Variants in COBLL1 observed in about 807,000 individuals in gnomAD.
COBLL1 encodes cordon-bleu WH2 repeat protein like 1, also known as cordon-bleu protein-like 1.
Under a neutral mutation model 94.8 loss-of-function variants are expected in COBLL1, and 50 were observed. The ratio of observed to expected loss-of-function variants is 0.53; its 90% CI spans 0.42 to 0.67. The LOEUF is 0.67. Among genes scored for constraint, COBLL1 ranks in the 30% least tolerant of loss-of-function variants. COBLL1 has a pLI of 0.00. For missense variants in COBLL1, 1,362 were observed against 1,348.7 expected, an observed-to-expected ratio of 1.01 and a Z score of -0.15; for synonymous variants, 448 against 473.8, an observed-to-expected ratio of 0.95 and a Z score of 0.71.
At position 164,787,256 on chromosome 2, in the gene COBLL1, T is replaced by C. The variant is rs574125984; in HGVS notation, c.42-43381A>G. 3.9e-5 allele frequency among the ~76,000 whole-genome samples: 6 copies of C among 152,266 alleles called. No homozygotes were observed. In the South Asian group the frequency reaches 1.2e-3, roughly 31 times the overall value. The stretch of plus-strand genomic sequence containing the variant: ...TTCCAAACTTGCACTCCATTACCAC[T>C]AGGAACTTGTCATTACCTGAAACAT... On this transcript the variant is annotated intron_variant, in intron 2 of 13. Transcript: ENST00000652658.
In COBLL1 at chr2:164,683,496, CATT is replaced by C. The variant is rs1460944176; in HGVS notation, c.*2447_*2449del. On this transcript the variant is annotated 3_prime_UTR_variant, in exon 14 of 14. Transcript: ENST00000652658. ...CCTAAATCCTATGTGACCTTTAAAA[CATT>C]ATTTTATTATAATTATAAACTACAA... is the stretch of plus-strand genomic sequence containing the variant. 2 of 152,010 alleles carry C rather than the reference CATT, an allele frequency of 1.3e-5. No homozygotes were observed. The highest frequency in any genetic ancestry group is 2.9e-5 in the Non-Finnish European group (2 of 67,990). The allele number at this position is 152,010 out of a possible 1,614,324, so 9.4% of individuals were successfully genotyped here.
chr2:164,683,129 G>A lies in COBLL1; in HGVS notation c.*2817C>T, dbSNP rs1056350962. On this transcript the variant is annotated 3_prime_UTR_variant, in exon 14 of 14. Transcript: ENST00000652658. ...CAAAATATTAACAGCTATCTTTGGA[G>A]AGGAGAGTGGGATGCTGGGGATGAA... 2.0e-5 allele frequency: 3 copies of A among 151,920 alleles called. No homozygotes were observed. The highest frequency in any genetic ancestry group is 4.4e-5 in the Non-Finnish European group (3 of 67,992). 9.4% of individuals were successfully genotyped at this position (151,920 alleles called of 1,614,324 possible).
intron 2 of COBLL1, among the ~76,000 whole-genome samples, chr2:164,819,105 AAAG>A (rs1225522834): frequency 6.6e-6 from 1 of 152,072 alleles, no homozygotes; most frequent in Non-Finnish European, 1.5e-5. Flanking sequence ...TCATAAACTT[AAAG>A]TAATATTTTA....
intron 7 of COBLL1, 112 bp downstream of exon 7, chr2:164,721,963 T>C: frequency 1.4e-6 from 1 of 721,458 alleles, no homozygotes; most frequent in Middle Eastern, 2.7e-4. Flanking sequence ...AATTACCAAC[T>C]GTTATAGGAC....
chr2:164,794,251 T>C (rs1683328519), intron 2 of COBLL1, among the ~76,000 whole-genome samples: 1 of 152,214 alleles, frequency 6.6e-6, no homozygotes, highest in Admixed American at 6.5e-5. Context: ...TACCTATTCT[T>C]ACAGTGTTGT....
chr2:164,805,311 C>G (rs867598657), intron 2 of COBLL1, among the ~76,000 whole-genome samples: 845 of 34,466 alleles, frequency 0.025, 108 homozygotes, highest in Middle Eastern at 0.065. Flanking sequence ...CTCTCTCTCT[C>G]TCTCTCTCTC....
At chr2:164,806,158 G>GAA (rs961585003) in intron 2 of COBLL1, among the ~76,000 whole-genome samples, 1 of 145,398 alleles carries the variant, frequency 6.9e-6, no homozygotes. Flanking sequence ...AAAAGGGAAG[G>GAA]AAAAAAAAAA....
chr2:164,735,880 G>A (rs3769885), intron 3 of COBLL1, among the ~76,000 whole-genome samples: 77,217 of 151,948 alleles, frequency 0.51, 19,996 homozygotes, highest in African/African-American at 0.63. Context: ...TAAAACCTGA[G>A]GCAAATCATT....
chr2:164,693,072 A>T (rs1177330201), intron 12 of COBLL1, among the ~76,000 whole-genome samples: 2 of 152,150 alleles, frequency 1.3e-5, no homozygotes, highest in Non-Finnish European at 1.5e-5. Flanking sequence ...ATATGTTATC[A>T]AGTAATCTTA....
intron 2 of COBLL1, among the ~76,000 whole-genome samples, chr2:164,750,364 C>T (rs568372203): frequency 7.0e-4 from 106 of 152,270 alleles, no homozygotes; most frequent in Middle Eastern, 3.4e-3. Flanking sequence ...CAAAAAAACT[C>T]CAGCAGGCAT....
chr2:164,805,287 G>GTCTCTCTC (rs543005860), intron 2 of COBLL1, among the ~76,000 whole-genome samples: 11 of 34,248 alleles, frequency 3.2e-4, no homozygotes, highest in Non-Finnish European at 4.5e-4. Flanking sequence ...CTCTCTGTCT[G>GTCTCTCTC]TCTCTCTCTC....
intron 2 of COBLL1, among the ~76,000 whole-genome samples, chr2:164,836,647 A>G (rs1683333824): frequency 6.6e-6 from 1 of 152,222 alleles, no homozygotes; most frequent in African/African-American, 2.4e-5. Context: ...CAAAAGCTTT[A>G]AAAATAATAT....
intron 2 of COBLL1, among the ~76,000 whole-genome samples, chr2:164,799,350 A>G (rs1339768857): frequency 6.6e-6 from 1 of 152,170 alleles, no homozygotes; most frequent in Non-Finnish European, 1.5e-5. Flanking sequence ...TATAATAGCA[A>G]TAAACAACTT....
chr2:164,758,657 T>C (rs1284153907), intron 2 of COBLL1, among the ~76,000 whole-genome samples: 1 of 152,140 alleles, frequency 6.6e-6, no homozygotes, highest in Non-Finnish European at 1.5e-5. Context: ...TGACTGACAC[T>C]ACAATTAAAT....
intron 2 of COBLL1, among the ~76,000 whole-genome samples, chr2:164,657,963 C>T (rs996874279): frequency 1.3e-5 from 2 of 151,532 alleles, no homozygotes; most frequent in African/African-American, 4.9e-5. Context: ...AGCTCCCATA[C>T]AAAGGGAGGG....
intron 9 of COBLL1, 31 bp from the exon 10 acceptor site, chr2:164,700,787 A>G: frequency 7.4e-7 from 1 of 1,343,420 alleles, no homozygotes; most frequent in Non-Finnish European, 1.1e-6. Context: ...AATCCTAAAT[A>G]TTAATTTGCC....
intron 2 of COBLL1, among the ~76,000 whole-genome samples, chr2:164,774,764 G>A (rs758063391): frequency 1.5e-4 from 22 of 149,278 alleles, no homozygotes; most frequent in Non-Finnish European, 2.4e-4. Flanking sequence ...AGTCTAGAGC[G>A]TTAATGCATA....
chr2:164,817,450 C>T (rs949012316), intron 2 of COBLL1, among the ~76,000 whole-genome samples: 8 of 150,414 alleles, frequency 5.3e-5, no homozygotes, highest in Admixed American at 1.3e-4. Context: ...TTAAACAAAA[C>T]CCTCTTTAGT....
intron 7 of COBLL1, among the ~76,000 whole-genome samples, chr2:164,710,185 CTT>C (rs1558942504): frequency 2.0e-5 from 3 of 152,062 alleles, no homozygotes; most frequent in Non-Finnish European, 2.9e-5. Flanking sequence ...AAACATCACT[CTT>C]AACACAAAAT....
Sources: allele counts gnomAD v4.1 joint callset (sites outside exome capture counted in the v4.1 genomes callset), GRCh38; gene constraint gnomAD v4.1.1; transcripts MANE v1.5; gene names NCBI Gene and HGNC (gene_info 2026-07-23, HGNC 2026-07-21).